The following NKAIN2 variants were observed in gnomAD, a reference collection of about 807,000 sequenced individuals.
NKAIN2 encodes sodium/potassium-transporting ATPase subunit beta-1-interacting protein 2.
In NKAIN2, 14 loss-of-function variants were observed where a neutral mutation model predicts 32.6. That is an observed-to-expected ratio of 0.43 (90% confidence interval 0.28 to 0.67). The LOEUF is 0.67. NKAIN2 is among the 30% of genes least tolerant of loss of function. The probability of loss-of-function intolerance (pLI) is 0.17; values close to 1 mark genes in which losing one functional copy is unlikely to be tolerated. For missense variants in NKAIN2, 198 were observed against 258.3 expected (o/e 0.77, Z 1.60); for synonymous variants, 80 against 87.2 (o/e 0.92, Z 0.46).
chr6:124,269,590 C>T (rs988129915), intron 1 of NKAIN2, among the ~76,000 whole-genome samples: 6 of 151,804 alleles, frequency 4.0e-5, no homozygotes, highest in Non-Finnish European at 5.9e-5. Context: ...GCCTCAGCCT[C>T]CTGAGTAGCT....
intron 1 of NKAIN2, among the ~76,000 whole-genome samples, chr6:124,065,615 C>G (rs1359224660): frequency 6.6e-6 from 1 of 152,130 alleles, no homozygotes; most frequent in African/African-American, 2.4e-5. Context: ...TCACCAGACA[C>G]CAAAAGTTGG....
chr6:124,473,799 C>A (rs1777073084), intron 3 of NKAIN2, among the ~76,000 whole-genome samples: 1 of 152,060 alleles, frequency 6.6e-6, no homozygotes, highest in Non-Finnish European at 1.5e-5. Context: ...CATCTGGAAC[C>A]CATTGAGTGC....
chr6:124,506,874 C>T (rs1023810495), intron 3 of NKAIN2, among the ~76,000 whole-genome samples: 1 of 152,176 alleles, frequency 6.6e-6, no homozygotes, highest in Non-Finnish European at 1.5e-5. Flanking sequence ...CTAGGGAAAT[C>T]GCTTAGGCAT....
At chr6:124,364,275 T>C (rs1320510197) in intron 3 of NKAIN2, among the ~76,000 whole-genome samples, 1 of 135,156 alleles carries the variant, frequency 7.4e-6, no homozygotes, top group Non-Finnish European at 1.6e-5. Context: ...GTCAAAAACA[T>C]ATGGGTTCAA....
intron 3 of NKAIN2, among the ~76,000 whole-genome samples, chr6:124,466,483 G>T (rs1776760405): frequency 6.6e-6 from 1 of 152,128 alleles, no homozygotes; most frequent in Admixed American, 6.6e-5. Context: ...CTTCTTTTCT[G>T]TTGTTCTTTC....
chr6:123,883,366 C>T (rs1773545135), intron 1 of NKAIN2, among the ~76,000 whole-genome samples: 1 of 152,016 alleles, frequency 6.6e-6, no homozygotes, highest in Non-Finnish European at 1.5e-5. Context: ...AGGATGGTCT[C>T]GATCTCCTGA....
chr6:124,603,454 T>C (rs1475003566), intron 3 of NKAIN2, among the ~76,000 whole-genome samples: 1 of 151,912 alleles, frequency 6.6e-6, no homozygotes, highest in African/African-American at 2.4e-5. Context: ...GAAAAATAAA[T>C]CAAGAATTAC....
chr6:124,778,166 T>A (rs560382203), intron 4 of NKAIN2, among the ~76,000 whole-genome samples: 1 of 152,268 alleles, frequency 6.6e-6, no homozygotes, highest in East Asian at 1.9e-4. Context: ...TGAGCTCTGA[T>A]GCTGTGGTAA....
At chr6:124,142,228 C>CT (rs372490244) in intron 1 of NKAIN2, among the ~76,000 whole-genome samples, 66 of 152,106 alleles carry the variant, frequency 4.3e-4, no homozygotes, top group African/African-American at 1.6e-3. Context: ...CTCTTAGTCT[C>CT]TTTTTTCTAC....
chr6:124,251,568 C>CA (rs1562451188), intron 1 of NKAIN2, among the ~76,000 whole-genome samples: 3 of 151,742 alleles, frequency 2.0e-5, no homozygotes, highest in African/African-American at 7.3e-5. Flanking sequence ...AAGAGGAAAT[C>CA]AAAATTATTA....
At chr6:124,027,790 CTT>C (rs1337113062) in intron 1 of NKAIN2, among the ~76,000 whole-genome samples, 1 of 152,146 alleles carries the variant, frequency 6.6e-6, no homozygotes, top group Non-Finnish European at 1.5e-5. Flanking sequence ...GGCTTATAAT[CTT>C]TTAACTAATC....
At chr6:124,183,738 GT>G (rs1336190898) in intron 1 of NKAIN2, among the ~76,000 whole-genome samples, 1 of 152,094 alleles carries the variant, frequency 6.6e-6, no homozygotes, top group Non-Finnish European at 1.5e-5. Flanking sequence ...TGCCCTGCAA[GT>G]TTTTTCATAT....
chr6:124,480,586 GTATTATTATTATTAT>G (rs60818370), intron 3 of NKAIN2, among the ~76,000 whole-genome samples: 2 of 149,408 alleles, frequency 1.3e-5, no homozygotes, highest in East Asian at 2.0e-4. Flanking sequence ...AGATGTTGAG[GTATTATTATTATTAT>G]TATTATTATT....
At chr6:124,818,260 CAATT>C (rs1254061130) in intron 5 of NKAIN2, 123 bp from the exon 6 acceptor site, 14 of 438,314 alleles carry the variant, frequency 3.2e-5, no homozygotes, top group African/African-American at 2.6e-4. Context: ...TTTTTCTTCA[CAATT>C]AGTTACTTTT....
intron 1 of NKAIN2, among the ~76,000 whole-genome samples, chr6:124,059,252 C>T (rs1782809939): frequency 6.6e-6 from 1 of 152,106 alleles, no homozygotes; most frequent in East Asian, 1.9e-4. Context: ...TCTCTACAAG[C>T]TTCTATGTAA....
chr6:124,749,155 T>A (rs1777593911), intron 4 of NKAIN2, among the ~76,000 whole-genome samples: 1 of 151,892 alleles, frequency 6.6e-6, no homozygotes, highest in African/African-American at 2.4e-5. Flanking sequence ...AAGCTTCTAG[T>A]GGCCACCAGG....
chr6:124,262,552 T>C (rs142334897), intron 1 of NKAIN2, among the ~76,000 whole-genome samples: 339 of 152,330 alleles, frequency 2.2e-3, no homozygotes, highest in African/African-American at 7.7e-3. Context: ...ATGCTGTCAA[T>C]TCCTAAAATA....
chr6:124,683,874 C>A (rs889954679), intron 4 of NKAIN2, among the ~76,000 whole-genome samples: 1 of 152,168 alleles, frequency 6.6e-6, no homozygotes, highest in East Asian at 1.9e-4. Context: ...GTATAGGATT[C>A]AGCATATTGT....
intron 1 of NKAIN2, among the ~76,000 whole-genome samples, chr6:124,078,008 T>G (rs189265114): frequency 5.8e-4 from 89 of 152,326 alleles, no homozygotes; most frequent in African/African-American, 2.1e-3. Context: ...TATTTTGCAT[T>G]CTACTCCACA....
Sources: gnomAD v4.1 joint callset for allele counts (sites outside exome capture counted in the v4.1 genomes callset) on GRCh38, gnomAD v4.1.1 for gene constraint, MANE v1.5 for transcripts, NCBI Gene and HGNC (gene_info 2026-07-23, HGNC 2026-07-21) for gene names.